The following XYLB variants were observed in gnomAD, a reference collection of about 807,000 sequenced individuals.
XYLB encodes xylulokinase.
Under a neutral mutation model 78.7 loss-of-function variants are expected in XYLB, and 62 were observed. That is an observed-to-expected ratio of 0.79 (90% CI 0.64 to 0.97). The LOEUF (loss-of-function observed/expected upper bound fraction) is 0.97. Ranked by LOEUF, XYLB falls within the 50% of genes least tolerant of loss-of-function variation. The probability of loss-of-function intolerance (pLI) is 0.00; values close to 1 mark genes in which losing one functional copy is unlikely to be tolerated. For synonymous variants in XYLB, 245 were observed against 247.4 expected (o/e 0.99, Z 0.09); for missense variants, 687 against 676.8 (o/e 1.02, Z -0.17).
intron 18 of XYLB, among the ~76,000 whole-genome samples, chr3:38,407,526 C>T (rs1286238340): frequency 6.6e-6 from 1 of 151,522 alleles, no homozygotes. Context: ...CAAATTCACA[C>T]ATAACAATAT....
intron 18 of XYLB, among the ~76,000 whole-genome samples, chr3:38,402,025 A>G (rs1239693927): frequency 6.6e-6 from 1 of 152,118 alleles, no homozygotes; most frequent in South Asian, 2.1e-4. Flanking sequence ...ATGATGAACC[A>G]TGATGAACTC....
intron 18 of XYLB, among the ~76,000 whole-genome samples, chr3:38,411,661 A>AC (rs1559622567): frequency 6.6e-6 from 1 of 151,478 alleles, no homozygotes; most frequent in African/African-American, 2.4e-5. Flanking sequence ...AAAAAAAAAA[A>AC]CCCTTTCCTA....
chr3:38,437,638 GAAAT>G, the XYLB span, among the ~76,000 whole-genome samples: 1 of 152,162 alleles, frequency 6.6e-6, no homozygotes, highest in African/African-American at 2.4e-5. Context: ...ATCTAGCTGA[GAAAT>G]AAATCAAGAA....
chr3:38,355,641 A>G, intron 2 of XYLB: 2 of 686,820 alleles, frequency 2.9e-6, no homozygotes. Context: ...AGTTCTAGCC[A>G]GTGGAATATA....
At chr3:38,376,855 TTAAGAAGCTGATCTTTTGTTTTTTGAC>T in intron 13 of XYLB, 36 bp from the exon 14 acceptor site, 1 of 1,466,862 alleles carries the variant, frequency 6.8e-7, no homozygotes, top group Non-Finnish European at 9.5e-7. Context: ...TCTAAGTCTG[TTAAGAAGCTGATCTTTTGTTTTTTGAC>T]TAATGACGGC....
chr3:38,362,784 C>G (rs904861333), intron 3 of XYLB, among the ~76,000 whole-genome samples, 153 bp from the exon 4 acceptor site: 4 of 152,140 alleles, frequency 2.6e-5, no homozygotes, highest in Admixed American at 2.0e-4. Context: ...AATTAATGTA[C>G]TCTAGTGCTT....
chr3:38,358,680 A>G (rs1705810878), intron 2 of XYLB, among the ~76,000 whole-genome samples: 1 of 152,172 alleles, frequency 6.6e-6, no homozygotes, highest in African/African-American at 2.4e-5. Context: ...ACATGGCAGA[A>G]TGTCTGGTTA....
At chr3:38,405,404 C>T (rs1174593779) in intron 18 of XYLB, among the ~76,000 whole-genome samples, 1 of 150,400 alleles carries the variant, frequency 6.6e-6, no homozygotes, top group South Asian at 2.1e-4. Flanking sequence ...AGCTGGCAGC[C>T]AAGATGGCCA....
intron 2 of XYLB, chr3:38,355,634 T>C: frequency 1.5e-6 from 1 of 679,078 alleles, no homozygotes; most frequent in Non-Finnish European, 2.7e-6. Flanking sequence ...GTGACTGAGT[T>C]CTAGCCAGTG....
chr3:38,448,869 C>T, the XYLB span, among the ~76,000 whole-genome samples: 1 of 152,056 alleles, frequency 6.6e-6, no homozygotes, highest in African/African-American at 2.4e-5. Flanking sequence ...TAAACATTTC[C>T]CCATCCTGTG....
the XYLB span, among the ~76,000 whole-genome samples, chr3:38,434,633 C>T: frequency 1.6e-4 from 24 of 152,220 alleles, no homozygotes; most frequent in Non-Finnish European, 2.6e-4. Flanking sequence ...AAACAAAATT[C>T]ACTGGTAAAG....
the XYLB span, among the ~76,000 whole-genome samples, chr3:38,444,099 CA>C: frequency 6.6e-6 from 1 of 152,168 alleles, no homozygotes; most frequent in Admixed American, 6.5e-5. Flanking sequence ...CATTAAAGGC[CA>C]GGGTTTGATC....
In XYLB at chr3:38,405,566, C is replaced by T. The variant is rs181627199; in HGVS notation, c.1533+4581C>T. 3.3e-3 allele frequency among the ~76,000 whole-genome samples: 508 copies of T among 152,282 alleles called. 5 individuals carry two copies. The highest frequency in any genetic ancestry group is 0.012 in the African/African-American group (482 of 41,562). On this transcript the variant is annotated intron_variant, in intron 18 of 18. Coordinates refer to ENST00000207870, the MANE Select transcript of XYLB (RefSeq NM_005108.4). ...TGGGTGCAGTGCACCGTGCGCAAGC[C>T]GAAGCAGGGCGAGGCATTGCCTCAC...
intron 3 of XYLB, among the ~76,000 whole-genome samples, chr3:38,360,863 G>A (rs1000703343): frequency 6.6e-6 from 1 of 152,070 alleles, no homozygotes; most frequent in Non-Finnish European, 1.5e-5. Context: ...GTGAAACCTT[G>A]TCTCTACTAA....
the XYLB span, among the ~76,000 whole-genome samples, chr3:38,434,732 A>G: frequency 1.3e-5 from 2 of 152,376 alleles, no homozygotes; most frequent in Admixed American, 1.3e-4. Context: ...AAAAAGAAAC[A>G]AAGAATATGC....
chr3:38,418,720 T>G (rs1213812389), downstream of XYLB, among the ~76,000 whole-genome samples: 8 of 152,238 alleles, frequency 5.3e-5, no homozygotes, highest in African/African-American at 1.9e-4. Context: ...TAGTTTTTAG[T>G]GTATGTCTTA....
In XYLB at chr3:38,414,808, G is replaced by C. The variant is rs74878612; in HGVS notation, c.*1795G>C. 1 of 152,032 alleles carries C rather than the reference G, an allele frequency of 6.6e-6. No individual in the cohort carries two copies. The highest frequency in any genetic ancestry group is 1.5e-5 in the Non-Finnish European group (1 of 68,010). The allele number at this position is 152,032 out of a possible 1,614,324, so 9.4% of individuals were successfully genotyped here. On this transcript the variant is annotated 3_prime_UTR_variant, in exon 19 of 19. Coordinates refer to ENST00000207870, the MANE Select transcript of XYLB (RefSeq NM_005108.4). ...GCAAAACAAACAAAGCAATATTAAA[G>C]GAAGAGCCAAAAAGACCCAGAAATA...
At chr3:38,422,814 T>A (rs1012847213), downstream of XYLB, among the ~76,000 whole-genome samples, 2 of 152,060 alleles carry the variant, frequency 1.3e-5, no homozygotes, top group African/African-American at 4.8e-5. Context: ...GAAAAAAATT[T>A]ACAAGGGTTA....
At chr3:38,347,066 C>T in intron 1 of XYLB, 141 bp downstream of exon 1, 1 of 808,224 alleles carries the variant, frequency 1.2e-6, no homozygotes, top group Non-Finnish European at 1.7e-6. Flanking sequence ...GGCCCCCGCG[C>T]CCCTGCCCTG....
Sources: gnomAD v4.1 joint callset for allele counts (sites outside exome capture counted in the v4.1 genomes callset) on GRCh38, gnomAD v4.1.1 for gene constraint, MANE v1.5 for transcripts, NCBI Gene and HGNC (gene_info 2026-07-23, HGNC 2026-07-21) for gene names.